The following CNTNAP1 variants were observed in gnomAD, a reference collection of about 807,000 sequenced individuals.
CNTNAP1 encodes contactin associated protein 1.
CNTNAP1 carries 80 observed loss-of-function variants against 161.5 expected under a neutral mutation model. The ratio of observed to expected loss-of-function variants is 0.50; its 90% CI spans 0.41 to 0.60. The LOEUF (loss-of-function observed/expected upper bound fraction) is 0.60. CNTNAP1 is among the 20% of genes least tolerant of loss of function. CNTNAP1 has a pLI of 0.00. For missense variants in CNTNAP1, 1,464 were observed against 1,854.8 expected, an observed-to-expected ratio of 0.79 and a Z score of 3.87; for synonymous variants, 695 against 733.1, an observed-to-expected ratio of 0.95 and a Z score of 0.84.
Position 42,691,605 on chromosome 17 carries a change from T to A in CNTNAP1, c.2344+94T>A. 1 of 1,543,256 alleles carries A rather than the reference T, an allele frequency of 6.5e-7. No individual in the cohort carries two copies. The highest frequency in any genetic ancestry group is 2.2e-5 in the East Asian group (1 of 44,494). ...TGTCACTGGTGGTCTCTAGCTGGGG[T>A]GCCCGACCCCCAGCTCCTGCTGTGA... On this transcript the variant is annotated intron_variant, in intron 15 of 23. Coordinates refer to ENST00000264638, the MANE Select transcript of CNTNAP1 (RefSeq NM_003632.3). The surrounding 1 kb of genome is among the most constrained non-coding windows in gnomAD (Gnocchi z 4.3).
chr17:42,696,051 G>A lies in CNTNAP1; in HGVS notation c.3373G>A (p.Gly1125Ser). 6.2e-7 allele frequency: 1 copy of A among 1,614,094 alleles called. No individual in the cohort carries two copies. Among genetic ancestry groups the A allele is most frequent in the Non-Finnish European group, 8.5e-7 (1 of 1,180,002 alleles). The part of the protein sequence containing the change: ...DGTLQLRYQL[G>S]TSPYVYQLTT... Reference sequence around the variant, plus strand: ...GACCCTTCAGCTGCGATATCAGCTGGGCACCAGTCCCTACGTGTACCAGCT... The same window carrying A: ...GACCCTTCAGCTGCGATATCAGCTGAGCACCAGTCCCTACGTGTACCAGCT... The change falls in exon 20 of 24, where the codon GGC becomes AGC. Residue 1125 changes from glycine (G) to serine (S), a missense_variant. Around this residue, in one of 3 missense-constraint regions of CNTNAP1, gnomAD observed 1,383 missense variants for 1,765.0 expected, o/e 0.78. Coordinates refer to ENST00000264638, the MANE Select transcript of CNTNAP1 (RefSeq NM_003632.3).
At position 42,697,817 on chromosome 17, in the gene CNTNAP1, A is replaced by G. The variant is rs372137034; in HGVS notation, c.3814+18A>G. ...GCCCCCAGGTACATTCCCAGGACAC[A>G]GAGGACAGAAGGGAGGGATGACACG... On this transcript the variant is annotated intron_variant, in intron 22 of 23. Coordinates refer to ENST00000264638, the MANE Select transcript of CNTNAP1 (RefSeq NM_003632.3). The G allele has an allele frequency of 5.0e-6, 8 of 1,614,190 alleles. No individual in the cohort carries two copies. Among genetic ancestry groups the G allele is most frequent in the Non-Finnish European group, 6.8e-6 (8 of 1,180,032 alleles).
chr17:42,687,038 A>T lies in CNTNAP1; in HGVS notation c.1036A>T (p.Thr346Ser). 1.2e-6 allele frequency: 2 copies of T among 1,612,314 alleles called. No homozygotes were observed. The highest frequency in any genetic ancestry group is 1.7e-6 in the Non-Finnish European group (2 of 1,178,564). ...DLAVRRHSRI[T>S]FEGKVAFRCL... ...GGCCGTGCGGCGCCATTCCCGGATC[A>T]CCTTCGAGGCCAGTGGGCAGGGGGG... The change falls in exon 7 of 24, where the codon ACC (threonine) becomes TCC (serine). Residue 346 changes from threonine (T) to serine (S), a missense_variant. Thr to Ser is a moderately conservative substitution (Grantham distance 58, BLOSUM62 1). Transcript: ENST00000264638. This position sits in a 1 kb window ranked among gnomAD's most constrained non-coding sequence, Gnocchi z 4.7.
In CNTNAP1 at chr17:42,687,499, C is replaced by A. The variant is rs1278150857; in HGVS notation, c.1045-221C>A. 3 of 602,568 alleles carry A rather than the reference C, an allele frequency of 5.0e-6. No homozygotes were observed. Among genetic ancestry groups the A allele is most frequent in the Non-Finnish European group, 8.7e-6 (3 of 343,810 alleles). 37.3% of individuals were successfully genotyped at this position (602,568 alleles called of 1,614,324 possible). A position where few individuals can be genotyped will look rare whatever the true frequency, so the allele number is the denominator to read the frequency against. On this transcript the variant is annotated intron_variant, in intron 7 of 23. Coordinates refer to ENST00000264638, the MANE Select transcript of CNTNAP1 (RefSeq NM_003632.3). The surrounding 1 kb of genome is among the most constrained non-coding windows in gnomAD (Gnocchi z 4.7). ...TCGAATCGCAGACGGTGGAGATCAG[C>A]GAGAGCAAGCGAGCAGAGTTCCGAG...
rs557378805 is a variant in CNTNAP1 at position 42,698,877 on chromosome 17, A to T, written c.4122A>T (p.Leu1374=). The T allele has an allele frequency of 5.6e-5, 88 of 1,565,486 alleles. No individual in the cohort carries two copies. In the South Asian group the frequency reaches 9.5e-4, roughly 17 times the overall value. Residue 1374 remains leucine, a synonymous_variant, in exon 24 of 24, where the codon CTA becomes CTT. Coordinates refer to ENST00000264638, the MANE Select transcript of CNTNAP1 (RefSeq NM_003632.3). ...APAPGPRDQN[L]PQILEESRSE ...CCCCTGGCCCCCGGGATCAGAACCT[A>T]CCCCAGATCCTGGAGGAGTCCAGGT...
Position 42,683,459 on chromosome 17 carries a change from G to A in CNTNAP1, c.68-362G>A, listed in dbSNP as rs147353010. The A allele has an allele frequency of 2.8e-4, 313 of 1,127,246 alleles. 1 individual carries two copies. In the African/African-American group the frequency reaches 4.7e-3, roughly 17 times the overall value. The allele number at this position is 1,127,246 out of a possible 1,614,324, so 69.8% of individuals were successfully genotyped here. ...GGTTTTGGGGGCCGAGTTGGATTGA[G>A]GCTAGGGTTGGAGCTGGATTGGTGT... is the stretch of plus-strand genomic sequence containing the variant. On this transcript the variant is annotated intron_variant, in intron 1 of 23. Coordinates refer to ENST00000264638, the MANE Select transcript of CNTNAP1 (RefSeq NM_003632.3).
Position 42,699,153 on chromosome 17 carries a change from A to C in CNTNAP1, c.*243A>C. The stretch of plus-strand genomic sequence containing the variant: ...TGTTTCCCCAGGCTCCTGGCTGTTT[A>C]TCTGCCCCAAAGGAGAAGCCTCATG... On this transcript the variant is annotated 3_prime_UTR_variant, in exon 24 of 24. Coordinates refer to ENST00000264638, the MANE Select transcript of CNTNAP1 (RefSeq NM_003632.3). The C allele has an allele frequency of 9.4e-6, 4 of 426,834 alleles. No homozygotes were observed. The highest frequency in any genetic ancestry group is 4.1e-6 in the Non-Finnish European group (1 of 242,884). 26.4% of individuals were successfully genotyped at this position (426,834 alleles called of 1,614,324 possible). A position where few individuals can be genotyped will look rare whatever the true frequency, so the allele number is the denominator to read the frequency against.
In CNTNAP1 at chr17:42,685,200, T is replaced by G; in HGVS notation, c.512-17T>G. ...CAGCCTCCCCAGTTCCCGGCCCACC[T>G]ACGGTCCTTTGCGCAGAGGCCGACA... On this transcript the variant is annotated splice_polypyrimidine_tract_variant and intron_variant, in intron 4 of 23. Transcript: ENST00000264638. This position sits in a 1 kb window ranked among gnomAD's most constrained non-coding sequence, Gnocchi z 5.0. The G allele has an allele frequency of 6.2e-7, 1 of 1,613,336 alleles. No homozygotes were observed. The highest frequency in any genetic ancestry group is 8.5e-7 in the Non-Finnish European group (1 of 1,179,920).
Position 42,690,118 on chromosome 17 carries a change from G to C in CNTNAP1, c.1766G>C (p.Arg589Pro). 1 of 1,613,846 alleles carries C rather than the reference G, an allele frequency of 6.2e-7. No individual in the cohort carries two copies. The highest frequency in any genetic ancestry group is 8.5e-7 in the Non-Finnish European group (1 of 1,179,892). The change falls in exon 12 of 24, where the codon CGG (arginine) becomes CCG (proline). Residue 589 changes from arginine to proline, a missense_variant. This residue lies in a region of CNTNAP1 where 1,383 missense variants were observed against 1,765.0 expected (regional missense o/e 0.78). Transcript: ENST00000264638. ...PLYKESCEAYRLSGKTSGNFT... is the reference protein window; with the variant it reads ...PLYKESCEAYPLSGKTSGNFT... ...TATAAGGAATCCTGTGAGGCTTATCGGCTCAGTGGGAAAACTTCTGGAAAC... is the reference window on the plus strand; with the variant it reads ...TATAAGGAATCCTGTGAGGCTTATCCGCTCAGTGGGAAAACTTCTGGAAAC...
intron 17 of CNTNAP1, among the ~76,000 whole-genome samples, chr17:42,692,958 CTTT>C (rs1246701076): frequency 2.8e-5 from 4 of 140,418 alleles, no homozygotes; most frequent in Non-Finnish European, 3.1e-5. Context: ...CATTTCTTTT[CTTT>C]TTTTTTTTTT....
At chr17:42,696,627 A>G (rs1460320135) in intron 20 of CNTNAP1, among the ~76,000 whole-genome samples, 1 of 152,126 alleles carries the variant, frequency 6.6e-6, no homozygotes, top group Non-Finnish European at 1.5e-5. Context: ...CCAGCCAGAC[A>G]ATAGGCATTC....
In CNTNAP1 at chr17:42,691,535, T is replaced by G; in HGVS notation, c.2344+24T>G. 1 of 1,613,248 alleles carries G rather than the reference T, an allele frequency of 6.2e-7. No homozygotes were observed. ...TCGTGAGTGGCAGTCCCCTTTTGTGTGCCCTCCCAGAGCTGACTCTCCAGT... is the reference window on the plus strand; with the variant it reads ...TCGTGAGTGGCAGTCCCCTTTTGTGGGCCCTCCCAGAGCTGACTCTCCAGT... On this transcript the variant is annotated intron_variant, in intron 15 of 23. Transcript: ENST00000264638. This position sits in a 1 kb window ranked among gnomAD's most constrained non-coding sequence, Gnocchi z 4.3.
In CNTNAP1 at chr17:42,684,915, ACT is replaced by A. The variant is rs938831658; in HGVS notation, c.364-73_364-72del. The A allele has an allele frequency of 5.8e-5, 87 of 1,510,826 alleles. No individual in the cohort carries two copies. The African/African-American group carries it at 1.1e-3, about 19-fold the overall frequency. The allele number at this position is 1,510,826 out of a possible 1,614,324, so 93.6% of individuals were successfully genotyped here. ...ACTCCAGCCTGGGCGACAGAGCGAG[ACT>A]CTGTCTCAAAAAATAAAATAAAAAA... is the stretch of plus-strand genomic sequence containing the variant. On this transcript the variant is annotated intron_variant, in intron 3 of 23. Coordinates refer to ENST00000264638, the MANE Select transcript of CNTNAP1 (RefSeq NM_003632.3).
At position 42,689,534 on chromosome 17, in the gene CNTNAP1, A is replaced by G. The variant is rs143557763; in HGVS notation, c.1642A>G (p.Met548Val). The G allele has an allele frequency of 5.6e-6, 9 of 1,613,290 alleles. No individual in the cohort carries two copies. The highest frequency in any genetic ancestry group is 6.8e-6 in the Non-Finnish European group (8 of 1,179,608). Residue 548 changes from methionine to valine, a missense_variant, in exon 11 of 24, where the codon ATG becomes GTG. Physicochemically the swap from Met to Val is conservative, Grantham distance 21. This residue lies in a region of CNTNAP1 where 1,383 missense variants were observed against 1,765.0 expected (regional missense o/e 0.78). Transcript: ENST00000264638. The stretch of plus-strand genomic sequence containing the variant: ...CCCCTTCCCTAGGTGCAGCCCTAAC[A>G]TGTGTGAGCATGATGGACGCTGCTA... ...CGITDRCSPNMCEHDGRCYQS... is the reference protein window; with the variant it reads ...CGITDRCSPNVCEHDGRCYQS...
Position 42,690,220 on chromosome 17 carries a change from G to A in CNTNAP1, c.1855+13G>A, listed in dbSNP as rs1483196524. 1 of 1,613,760 alleles carries A rather than the reference G, an allele frequency of 6.2e-7. No individual in the cohort carries two copies. The highest frequency in any genetic ancestry group is 2.2e-5 in the East Asian group (1 of 44,870). The stretch of plus-strand genomic sequence containing the variant: ...TGTGATATCCGAGGTAAGTGTCTCT[G>A]TTGGGTGGTGAGGGGGTGAGGGGAG... On this transcript the variant is annotated intron_variant, in intron 12 of 23. Coordinates refer to ENST00000264638, the MANE Select transcript of CNTNAP1 (RefSeq NM_003632.3).
In CNTNAP1 at chr17:42,699,072, T is replaced by C. The variant is rs1373983508; in HGVS notation, c.*162T>C. On this transcript the variant is annotated 3_prime_UTR_variant, in exon 24 of 24. Coordinates refer to ENST00000264638, the MANE Select transcript of CNTNAP1 (RefSeq NM_003632.3). The stretch of plus-strand genomic sequence containing the variant: ...CAAGTTTGGTGGGCAGAGCTACAGA[T>C]GGGACCCAAGGGAGTGGCCGAGCCT... The C allele has an allele frequency of 1.7e-6, 1 of 578,066 alleles. No homozygotes were observed. Among genetic ancestry groups the C allele is most frequent in the Non-Finnish European group, 2.9e-6 (1 of 343,048 alleles). The allele number at this position is 578,066 out of a possible 1,614,324, so 35.8% of individuals were successfully genotyped here.
At position 42,691,939 on chromosome 17, in the gene CNTNAP1, G is replaced by A. The variant is rs892253613; in HGVS notation, c.2478G>A (p.Met826Ile). ...CCTCGGGGGTCTTCCTAGAGAATAT[G>A]GGGGGCCCTTACTGCCAGTGGCGCC... ...SAPSGVFLEN[M>I]GGPYCQWRRP... Residue 826 changes from methionine (M) to isoleucine (I), a missense_variant, in exon 16 of 24, where the codon ATG becomes ATA. This residue lies in a region of CNTNAP1 where 1,383 missense variants were observed against 1,765.0 expected (regional missense o/e 0.78). Coordinates refer to ENST00000264638, the MANE Select transcript of CNTNAP1 (RefSeq NM_003632.3). The surrounding 1 kb of genome is among the most constrained non-coding windows in gnomAD (Gnocchi z 4.3). 6.2e-7 allele frequency: 1 copy of A among 1,614,098 alleles called. No homozygotes were observed. The highest frequency in any genetic ancestry group is 8.5e-7 in the Non-Finnish European group (1 of 1,179,982).
Position 42,687,732 on chromosome 17 carries a change from T to G in CNTNAP1, c.1057T>G (p.Phe353Val). 1 of 1,614,038 alleles carries G rather than the reference T, an allele frequency of 6.2e-7. No homozygotes were observed. Among genetic ancestry groups the G allele is most frequent in the Non-Finnish European group, 8.5e-7 (1 of 1,179,902 alleles). The change falls in exon 8 of 24, where the codon TTT (phenylalanine) becomes GTT (valine). Residue 353 changes from phenylalanine (F) to valine (V), a missense_variant. Coordinates refer to ENST00000264638, the MANE Select transcript of CNTNAP1 (RefSeq NM_003632.3). This position sits in a 1 kb window ranked among gnomAD's most constrained non-coding sequence, Gnocchi z 4.7. The stretch of plus-strand genomic sequence containing the variant: ...CTTTTGCCCCTAGGGTAAGGTGGCT[T>G]TTCGTTGCCTGGACCCGGTACCGCA... ...SRITFEGKVA[F>V]RCLDPVPHPI...
At chr17:42,694,819 C>T (rs2053133101) in intron 18 of CNTNAP1, among the ~76,000 whole-genome samples, 1 of 152,162 alleles carries the variant, frequency 6.6e-6, no homozygotes, top group Non-Finnish European at 1.5e-5. Context: ...ACTGCATCCT[C>T]CCTAAGGCTG....
Sources: gnomAD v4.1 joint callset for allele counts (sites outside exome capture counted in the v4.1 genomes callset) on GRCh38, gnomAD v4.1.1 for gene constraint, gnomAD v4.1.1 regional missense constraint, Gnocchi (gnomAD v3.1) non-coding constraint, MANE v1.5 for transcripts, NCBI Gene and HGNC (gene_info 2026-07-23, HGNC 2026-07-21) for gene names.